Variants in FGF14 observed in about 807,000 individuals in gnomAD.
FGF14 encodes the protein fibroblast growth factor 14.
FGF14 carries 5 observed loss-of-function variants against 25.5 expected under a neutral mutation model. The observed-to-expected ratio is 0.20, with a 90% CI of 0.10 to 0.41. FGF14 has a LOEUF of 0.41. Among genes scored for constraint, FGF14 ranks in the 10% least tolerant of loss-of-function variants. The pLI is 1.00. For missense variants in FGF14, 222 were observed against 320.1 expected (o/e 0.69, Z 2.34); for synonymous variants, 138 against 118.3 (o/e 1.17, Z -1.08).
At chr13:102,290,354 A>T (rs1242928791) in intron 1 of FGF14, among the ~76,000 whole-genome samples, 1 of 152,144 alleles carries the variant, frequency 6.6e-6, no homozygotes, top group East Asian at 1.9e-4. Flanking sequence ...GTGCCTGGAT[A>T]TTGGACATCC....
chr13:102,348,386 AACAG>A (rs1391954685), intron 1 of FGF14, among the ~76,000 whole-genome samples: 4 of 152,154 alleles, frequency 2.6e-5, no homozygotes, highest in Admixed American at 6.5e-5. Context: ...GCAAAGAAAA[AACAG>A]ACAACCAGTG....
At chr13:102,316,184 T>C (rs1392505290) in intron 1 of FGF14, among the ~76,000 whole-genome samples, 2 of 152,278 alleles carry the variant, frequency 1.3e-5, no homozygotes, top group African/African-American at 4.8e-5. Flanking sequence ...GGAGAAAAAT[T>C]TAACTTTCTC....
chr13:102,325,500 A>T (rs997556485), intron 1 of FGF14, among the ~76,000 whole-genome samples: 1 of 152,096 alleles, frequency 6.6e-6, no homozygotes, highest in Non-Finnish European at 1.5e-5. Context: ...GCACCGTGGT[A>T]TTATTTGAAT....
At chr13:102,383,021 T>C (rs2058220397) in intron 1 of FGF14, among the ~76,000 whole-genome samples, 2 of 152,074 alleles carry the variant, frequency 1.3e-5, no homozygotes, top group African/African-American at 4.8e-5. Flanking sequence ...TAGAATTGGA[T>C]AGTGGTAATG....
intron 1 of FGF14, among the ~76,000 whole-genome samples, chr13:102,290,962 G>A (rs988879415): frequency 6.6e-6 from 1 of 151,978 alleles, no homozygotes; most frequent in African/African-American, 2.4e-5. Context: ...TGTTCTTTAG[G>A]GGAGCATAAG....
intron 1 of FGF14, among the ~76,000 whole-genome samples, chr13:102,389,762 C>T (rs188342484): frequency 3.3e-5 from 5 of 151,990 alleles, no homozygotes; most frequent in African/African-American, 1.2e-4. Flanking sequence ...GAGCAAGCAT[C>T]CACCTGAGAC....
intron 3 of FGF14, among the ~76,000 whole-genome samples, chr13:101,754,586 G>A (rs888296088): frequency 3.3e-5 from 5 of 151,906 alleles, no homozygotes; most frequent in African/African-American, 9.7e-5. Context: ...AAACTCAGCC[G>A]AGCGTAGTGG....
rs1309980850 is a variant in FGF14 at position 101,867,537 on chromosome 13, TC to T, written c.408+1187del. Among the ~76,000 whole-genome samples, 5 of 152,114 alleles carry T rather than the reference TC, an allele frequency of 3.3e-5. No individual in the cohort carries two copies. The East Asian group carries it at 9.6e-4, about 29-fold the overall frequency. The stretch of plus-strand genomic sequence containing the variant: ...AAGAAACAAAAATAACAGAGCAAGT[TC>T]CAAATCAAAAAGATTGAGCTGTATC... On this transcript the variant is annotated intron_variant, in intron 3 of 4. Coordinates refer to ENST00000376143, the MANE Select transcript of FGF14 (RefSeq NM_004115.4).
chr13:102,004,103 T>C (rs1277772324), intron 1 of FGF14, among the ~76,000 whole-genome samples: 1 of 152,156 alleles, frequency 6.6e-6, no homozygotes, highest in Non-Finnish European at 1.5e-5. Flanking sequence ...TGCTTCTGCA[T>C]TGACTAGCAT....
At chr13:101,857,580 T>C (rs1402762615) in intron 3 of FGF14, among the ~76,000 whole-genome samples, 1 of 152,036 alleles carries the variant, frequency 6.6e-6, no homozygotes, top group Non-Finnish European at 1.5e-5. Flanking sequence ...CAACATTTAG[T>C]GAAACCCTAA....
intron 3 of FGF14, among the ~76,000 whole-genome samples, chr13:101,834,008 C>T (rs2042802980): frequency 6.6e-6 from 1 of 152,068 alleles, no homozygotes; most frequent in Non-Finnish European, 1.5e-5. Context: ...CAAGAGAACA[C>T]CATAGCTGCT....
chr13:101,798,108 C>T (rs916145158), intron 3 of FGF14, among the ~76,000 whole-genome samples: 7 of 151,968 alleles, frequency 4.6e-5, no homozygotes, highest in Admixed American at 1.3e-4. Flanking sequence ...TGTATTTGAT[C>T]TTAAGGAACT....
intron 3 of FGF14, among the ~76,000 whole-genome samples, chr13:101,804,949 G>A (rs1023205583): frequency 6.6e-6 from 1 of 152,068 alleles, no homozygotes; most frequent in African/African-American, 2.4e-5. Flanking sequence ...GCAAGCATAC[G>A]GCATCATTGT....
At chr13:101,879,342 G>T (rs1478596506) in intron 1 of FGF14, among the ~76,000 whole-genome samples, 3 of 152,042 alleles carry the variant, frequency 2.0e-5, no homozygotes, top group African/African-American at 7.2e-5. Context: ...AAACTAATGT[G>T]CATACATATC....
At chr13:102,394,716 G>C (rs2058532953) in intron 1 of FGF14, 3 of 152,518 alleles carry the variant, frequency 2.0e-5, no homozygotes, top group Admixed American at 2.0e-4. Context: ...CGGGACCGGG[G>C]ACTCTGGGCC....
rs2034820775 is a variant in FGF14 at position 101,718,878 on chromosome 13, C to G, written c.*3953G>C. On this transcript the variant is annotated 3_prime_UTR_variant, in exon 5 of 5. Coordinates refer to ENST00000376143, the MANE Select transcript of FGF14 (RefSeq NM_004115.4). Reference sequence around the variant, plus strand: ...CTCCATATTCAAGAGAGTCAACAGGCCCTATGTCACATTGTAGGCTAAGAA... The same window carrying G: ...CTCCATATTCAAGAGAGTCAACAGGGCCTATGTCACATTGTAGGCTAAGAA... The G allele has an allele frequency of 6.6e-6, 1 of 151,932 alleles. No homozygotes were observed. Among genetic ancestry groups the G allele is most frequent in the South Asian group, 2.1e-4 (1 of 4,812 alleles). 9.4% of individuals were successfully genotyped at this position (151,932 alleles called of 1,614,324 possible). A position where few individuals can be genotyped will look rare whatever the true frequency, so the allele number is the denominator to read the frequency against.
At chr13:102,046,851 G>C (rs1461499176) in intron 1 of FGF14, among the ~76,000 whole-genome samples, 1 of 152,062 alleles carries the variant, frequency 6.6e-6, no homozygotes, top group Non-Finnish European at 1.5e-5. Flanking sequence ...ATTTAGTTTA[G>C]AATAAATGTT....
chr13:101,936,417 A>G (rs1282684893), intron 1 of FGF14, among the ~76,000 whole-genome samples: 2 of 152,216 alleles, frequency 1.3e-5, no homozygotes, highest in African/African-American at 4.8e-5. Flanking sequence ...ATTGCCGAGT[A>G]ACAGTCACCA....
chr13:102,267,046 C>T (rs976688122), intron 1 of FGF14, among the ~76,000 whole-genome samples: 1 of 152,148 alleles, frequency 6.6e-6, no homozygotes, highest in Non-Finnish European at 1.5e-5. Context: ...GTTAAGGAAT[C>T]ACACTGTATT....
Sources: gnomAD v4.1 joint callset for allele counts (sites outside exome capture counted in the v4.1 genomes callset) on GRCh38, gnomAD v4.1.1 for gene constraint, MANE v1.5 for transcripts, NCBI Gene and HGNC (gene_info 2026-07-23, HGNC 2026-07-21) for gene names.